Variants in MTUS1 observed in about 807,000 individuals in gnomAD.
The protein encoded by MTUS1 is microtubule-associated tumor suppressor 1.
Under a neutral mutation model 120.8 loss-of-function variants are expected in MTUS1, and 109 were observed. The observed-to-expected ratio is 0.90, with a 90% CI of 0.77 to 1.06. The LOEUF is 1.06. Among genes scored for constraint, MTUS1 ranks in the 50% least tolerant of loss-of-function variants. The pLI, the probability that MTUS1 is intolerant of heterozygous loss-of-function variation, is 0.00. For missense variants in MTUS1, 2,210 were observed against 1,486.3 expected (o/e 1.49, Z -8.01); for synonymous variants, 737 against 550.5 (o/e 1.34, Z -4.74).
chr8:17,756,033 C>G, intron 1 of MTUS1, 72 bp from the exon 2 acceptor site: 1 of 897,696 alleles, frequency 1.1e-6, no homozygotes, highest in Non-Finnish European at 1.6e-6. Flanking sequence ...GTTTCAATCA[C>G]TAAGTGATTA....
chr8:17,686,190 A>T (rs1238198546), intron 6 of MTUS1, among the ~76,000 whole-genome samples: 2 of 152,216 alleles, frequency 1.3e-5, no homozygotes, highest in Non-Finnish European at 2.9e-5. Context: ...CTGGATGTAG[A>T]CAACTTCTAT....
intron 1 of MTUS1, among the ~76,000 whole-genome samples, chr8:17,763,830 T>C (rs958538456): frequency 6.6e-6 from 1 of 152,156 alleles, no homozygotes; most frequent in Non-Finnish European, 1.5e-5. Flanking sequence ...AGAATGTGAG[T>C]GGACATCATA....
At chr8:17,751,930 C>T (rs937937093) in intron 2 of MTUS1, among the ~76,000 whole-genome samples, 15 of 149,054 alleles carry the variant, frequency 1.0e-4, no homozygotes, top group African/African-American at 3.7e-4. Flanking sequence ...AGTTGATAAG[C>T]ATATGCGAAT....
chr8:17,668,297 G>A (rs1207843716), intron 8 of MTUS1, among the ~76,000 whole-genome samples: 1 of 152,100 alleles, frequency 6.6e-6, no homozygotes, highest in Non-Finnish European at 1.5e-5. Flanking sequence ...TTCTTCCAAC[G>A]TGGCCCGGGG....
chr8:17,669,274 A>C (rs1811520449), intron 8 of MTUS1, among the ~76,000 whole-genome samples: 1 of 152,210 alleles, frequency 6.6e-6, no homozygotes, highest in Non-Finnish European at 1.5e-5. Context: ...AACTGAGTAA[A>C]AGAGAAGGAG....
Position 17,653,457 on chromosome 8 carries a change from C to G in MTUS1, c.3256G>C (p.Asp1086His). 6.2e-7 allele frequency: 1 copy of G among 1,612,454 alleles called. No individual in the cohort carries two copies. The highest frequency in any genetic ancestry group is 8.5e-7 in the Non-Finnish European group (1 of 1,179,434). The change falls in exon 11 of 15, where the codon GAT (aspartate) becomes CAT (histidine). Residue 1086 changes from aspartate (D) to histidine (H), a missense_variant. By Grantham distance (81) the Asp-to-His change is moderately conservative. Transcript: ENST00000693296. ...GATTCCTGCTTCTCAGAAAGTAAAT[C>G]TTCAAGCGATTTCTTTTCTATTTCA... The part of the protein sequence containing the change: ...GHEIEKKSLE[D>H]LLSEKQESLE...
rs751457279 is a variant in MTUS1 at position 17,715,756 on chromosome 8, G to A, written c.2584+11C>T. On this transcript the variant is annotated intron_variant, in intron 5 of 14. Transcript: ENST00000693296. ...TTGCCCTCCCTCTTCAAACCACAAT[G>A]AGGACTGTACCTTTTGGAGGAGTTT... 3 of 1,601,328 alleles carry A rather than the reference G, an allele frequency of 1.9e-6. No homozygotes were observed. Among genetic ancestry groups the A allele is most frequent in the Non-Finnish European group, 2.5e-6 (3 of 1,176,670 alleles).
intron 6 of MTUS1, among the ~76,000 whole-genome samples, chr8:17,694,615 C>A (rs977058466): frequency 1.3e-5 from 2 of 151,988 alleles, no homozygotes; most frequent in Admixed American, 1.3e-4. Flanking sequence ...TTGCAGTGGG[C>A]CCAGACAGCA....
intron 6 of MTUS1, among the ~76,000 whole-genome samples, chr8:17,694,122 T>A (rs2130854599): frequency 6.6e-6 from 1 of 152,336 alleles, no homozygotes; most frequent in South Asian, 2.1e-4. Flanking sequence ...AGACAGGGTC[T>A]CATTAACTCT....
chr8:17,768,683 A>T (rs1004310487), intron 1 of MTUS1, among the ~76,000 whole-genome samples: 2 of 152,166 alleles, frequency 1.3e-5, no homozygotes, highest in African/African-American at 2.4e-5. Flanking sequence ...AAAAATTATC[A>T]AGTGACTTAT....
intron 1 of MTUS1, among the ~76,000 whole-genome samples, chr8:17,791,567 G>GTATC (rs1387575356): frequency 6.6e-6 from 1 of 152,150 alleles, no homozygotes; most frequent in Admixed American, 6.5e-5. Context: ...AAAGATAAAA[G>GTATC]TATCTACATT....
At chr8:17,758,853 T>G (rs1385148873) in intron 1 of MTUS1, among the ~76,000 whole-genome samples, 1 of 152,166 alleles carries the variant, frequency 6.6e-6, no homozygotes, top group Non-Finnish European at 1.5e-5. Context: ...TCATATAAAT[T>G]GAATTAAGGG....
chr8:17,707,643 G>T (rs1231531688), intron 6 of MTUS1, among the ~76,000 whole-genome samples: 1 of 152,158 alleles, frequency 6.6e-6, no homozygotes, highest in Non-Finnish European at 1.5e-5. Context: ...TTGACAAGCT[G>T]ATCCTAAAAT....
intron 3 of MTUS1, among the ~76,000 whole-genome samples, chr8:17,730,811 G>A (rs990748746): frequency 6.6e-6 from 1 of 152,178 alleles, no homozygotes; most frequent in African/African-American, 2.4e-5. Flanking sequence ...AGTGCCAGGG[G>A]CTGAAAGAGA....
At position 17,755,436 on chromosome 8, in the gene MTUS1, T is replaced by C; in HGVS notation, c.372A>G (p.Leu124=). 2 of 1,614,216 alleles carry C rather than the reference T, an allele frequency of 1.2e-6. No homozygotes were observed. The highest frequency in any genetic ancestry group is 1.7e-6 in the Non-Finnish European group (2 of 1,180,014). Residue 124 remains leucine, a synonymous_variant, in exon 2 of 15, where the codon CTA becomes CTG. Coordinates refer to ENST00000693296, the MANE Select transcript of MTUS1 (RefSeq NM_001363059.2). ...PKYLQHSCHS[L]EAVEGQSVEP... ...CAACACTCTGGCCCTCAACTGCTTCTAGGGAATGACAACTGTGTTGCAGAT... is the reference window on the plus strand; with the variant it reads ...CAACACTCTGGCCCTCAACTGCTTCCAGGGAATGACAACTGTGTTGCAGAT...
intron 1 of MTUS1, among the ~76,000 whole-genome samples, chr8:17,764,239 A>G (rs1303868487): frequency 6.6e-6 from 1 of 152,174 alleles, no homozygotes. Context: ...AAAAAACTCT[A>G]TGATCTACAA....
intron 8 of MTUS1, among the ~76,000 whole-genome samples, chr8:17,666,069 C>T (rs2130500875): frequency 6.7e-6 from 1 of 148,456 alleles, no homozygotes; most frequent in South Asian, 2.2e-4. Flanking sequence ...ATTCACTGGC[C>T]AGCATGCTGC....
At position 17,651,227 on chromosome 8, in the gene MTUS1, T is replaced by C. The variant is rs112200956; in HGVS notation, c.3385-1265A>G. On this transcript the variant is annotated intron_variant, in intron 12 of 14. Coordinates refer to ENST00000693296, the MANE Select transcript of MTUS1 (RefSeq NM_001363059.2). Reference sequence around the variant, plus strand: ...GTGGGGTGGGATGAGGAGAGGTTGGTTAATGCATACAAACATACAGTTAGA... The same window carrying C: ...GTGGGGTGGGATGAGGAGAGGTTGGCTAATGCATACAAACATACAGTTAGA... Among the ~76,000 whole-genome samples, 677 of 152,214 alleles carry C rather than the reference T, an allele frequency of 4.4e-3. 9 individuals carry two copies. The highest frequency in any genetic ancestry group is 0.016 in the African/African-American group (658 of 41,504).
chr8:17,757,752 C>T (rs548317625), intron 1 of MTUS1, among the ~76,000 whole-genome samples: 23 of 152,268 alleles, frequency 1.5e-4, no homozygotes, highest in African/African-American at 5.5e-4. Context: ...GTCTCGAACT[C>T]CTGACCTCAG....
Sources: gnomAD v4.1 joint callset for allele counts (sites outside exome capture counted in the v4.1 genomes callset) on GRCh38, gnomAD v4.1.1 for gene constraint, MANE v1.5 for transcripts, NCBI Gene and HGNC (gene_info 2026-07-23, HGNC 2026-07-21) for gene names.